Variants in GNL2 observed in about 807,000 individuals in gnomAD.
The protein encoded by GNL2 is nucleolar GTP-binding protein 2.
In GNL2, 51 loss-of-function variants were observed where a neutral mutation model predicts 92.3. The observed-to-expected ratio is 0.55, with a 90% CI of 0.44 to 0.70. The LOEUF is 0.70. Ranked by LOEUF, GNL2 falls within the 30% of genes least tolerant of loss-of-function variation. The pLI, the probability that GNL2 is intolerant of heterozygous loss-of-function variation, is 0.00. For synonymous variants in GNL2, 283 were observed against 300.6 expected (o/e 0.94, Z 0.61); for missense variants, 844 against 895.6 (o/e 0.94, Z 0.74).
At chr1:37,585,007 G>A (rs572339398) in intron 5 of GNL2, among the ~76,000 whole-genome samples, 4 of 150,762 alleles carry the variant, frequency 2.7e-5, no homozygotes, top group South Asian at 2.1e-4. Context: ...GCTTGAACCC[G>A]GGAGGCAGAG....
At chr1:37,574,107 G>A (rs1643637642) in intron 12 of GNL2, among the ~76,000 whole-genome samples, 1 of 152,082 alleles carries the variant, frequency 6.6e-6, no homozygotes. Flanking sequence ...TGGTCAGGCT[G>A]GTCTTGAACT....
chr1:37,580,107 A>C (rs1643743050), intron 8 of GNL2, among the ~76,000 whole-genome samples: 1 of 152,196 alleles, frequency 6.6e-6, no homozygotes, highest in Admixed American at 6.5e-5. Context: ...GTGAAATTTT[A>C]GAACAAGAGA....
chr1:37,580,803 C>T (rs1444509527), intron 8 of GNL2, among the ~76,000 whole-genome samples: 2 of 152,194 alleles, frequency 1.3e-5, no homozygotes, highest in Middle Eastern at 3.2e-3. Flanking sequence ...CAAAGTAACA[C>T]TAGCGAAAAT....
intron 8 of GNL2, among the ~76,000 whole-genome samples, chr1:37,577,981 T>C (rs1437600621): frequency 2.0e-5 from 3 of 152,200 alleles, no homozygotes; most frequent in Admixed American, 1.3e-4. Flanking sequence ...TATTCAATAG[T>C]GAGATGCCCA....
intron 4 of GNL2, among the ~76,000 whole-genome samples, chr1:37,590,148 C>T (rs1290237225): frequency 1.3e-5 from 2 of 152,096 alleles, no homozygotes; most frequent in Admixed American, 1.3e-4. Context: ...CTCCTGTTGC[C>T]CAGGCTGGAG....
intron 11 of GNL2, 45 bp from the exon 12 acceptor site, chr1:37,574,501 A>AAC (rs1643645926): frequency 6.6e-7 from 1 of 1,522,618 alleles, no homozygotes; most frequent in Non-Finnish European, 9.1e-7. Flanking sequence ...AAAGGACCAA[A>AAC]ACCACCTACC....
chr1:37,572,798 T>C (rs1643615763), intron 12 of GNL2, among the ~76,000 whole-genome samples: 1 of 152,218 alleles, frequency 6.6e-6, no homozygotes, highest in African/African-American at 2.4e-5. Context: ...TAAGTGTGGA[T>C]AGCCTGAAGC....
intron 4 of GNL2, among the ~76,000 whole-genome samples, chr1:37,588,770 C>T (rs941622614): frequency 6.6e-6 from 1 of 152,204 alleles, no homozygotes; most frequent in African/African-American, 2.4e-5. Flanking sequence ...GATGAATATG[C>T]GTATCTGATC....
chr1:37,594,960 C>A (rs1034188531), intron 1 of GNL2, among the ~76,000 whole-genome samples: 1 of 152,204 alleles, frequency 6.6e-6, no homozygotes, highest in African/African-American at 2.4e-5. Context: ...TCTACTACTA[C>A]TCACTAACTG....
At chr1:37,593,170 A>G (rs932735446) in intron 2 of GNL2, among the ~76,000 whole-genome samples, 1 of 152,242 alleles carries the variant, frequency 6.6e-6, no homozygotes, top group East Asian at 1.9e-4. Flanking sequence ...TTTACGCCGG[A>G]ATTCCAAATT....
intron 5 of GNL2, among the ~76,000 whole-genome samples, chr1:37,585,636 C>T (rs935105553): frequency 1.3e-5 from 2 of 152,146 alleles, no homozygotes; most frequent in African/African-American, 2.4e-5. Context: ...AAATTCAAAT[C>T]GGCAGAATAC....
intron 1 of GNL2, among the ~76,000 whole-genome samples, chr1:37,594,925 G>C (rs1281706923): frequency 6.6e-6 from 1 of 152,244 alleles, no homozygotes; most frequent in Non-Finnish European, 1.5e-5. Flanking sequence ...TCTCCTAACA[G>C]TCTCTAACAG....
At chr1:37,579,212 A>G (rs968226592) in intron 8 of GNL2, among the ~76,000 whole-genome samples, 22 of 152,254 alleles carry the variant, frequency 1.4e-4, no homozygotes, top group South Asian at 1.0e-3. Context: ...ATTAAAAGCA[A>G]TTGGCAAAAT....
rs555289288 is a variant in GNL2 at position 37,581,532 on chromosome 1, G to A, written c.909+691C>T. Reference sequence around the variant, plus strand: ...TGGAAAGCCCAGCAGAGCGTGGAACGTCAGGTGCCAGGGCTGTGGCAGAAA... The same window carrying A: ...TGGAAAGCCCAGCAGAGCGTGGAACATCAGGTGCCAGGGCTGTGGCAGAAA... On this transcript the variant is annotated intron_variant, in intron 8 of 15. Transcript: ENST00000373062. 1,171 of 456,096 alleles carry A rather than the reference G, an allele frequency of 2.6e-3. 7 individuals carry two copies. The highest frequency in any genetic ancestry group is 4.1e-3 in the Non-Finnish European group (921 of 226,802). The allele number at this position is 456,096 out of a possible 1,614,324, so 28.3% of individuals were successfully genotyped here.
At position 37,569,304 on chromosome 1, in the gene GNL2, T is replaced by C. The variant is rs1193126164; in HGVS notation, c.1417-2A>G. 6.3e-7 allele frequency: 1 copy of C among 1,582,574 alleles called. No homozygotes were observed. The highest frequency in any genetic ancestry group is 2.2e-5 in the East Asian group (1 of 44,664). On this transcript the variant is annotated splice_acceptor_variant, in intron 12 of 15. Transcript: ENST00000373062. LOFTEE classifies it high-confidence loss of function. ...TTCCAAAGATGAGGAGGGTAGAAGC[T>C]ATTAAGGGGTGGAAATGGGGGAAAT...
At chr1:37,572,424 A>C (rs1643608283) in intron 12 of GNL2, among the ~76,000 whole-genome samples, 1 of 152,196 alleles carries the variant, frequency 6.6e-6, no homozygotes. Context: ...AAGACAAAGC[A>C]CTTGACCACA....
rs761878953 is a variant in GNL2, at chr1:37,590,748, G to A, written c.342C>T (p.Ser114=). ...KDPYKVVMKQ[S]KLPMSLLHDR... Reference sequence around the variant, plus strand: ...CATGGAGAAGAGACATTGGTAACTTGCTTTGCTTCATGACAACTTTGTATG... The same window carrying A: ...CATGGAGAAGAGACATTGGTAACTTACTTTGCTTCATGACAACTTTGTATG... The change falls in exon 4 of 16, where the codon AGC becomes AGT. Residue 114 remains serine (S), a synonymous_variant. Transcript: ENST00000373062. The A allele has an allele frequency of 8.1e-6, 13 of 1,612,888 alleles. No individual in the cohort carries two copies. The highest frequency in any genetic ancestry group is 9.3e-6 in the Non-Finnish European group (11 of 1,178,904).
At chr1:37,587,878 A>C (rs1643866324) in intron 4 of GNL2, among the ~76,000 whole-genome samples, 1 of 152,222 alleles carries the variant, frequency 6.6e-6, no homozygotes. Flanking sequence ...TATAGCTTTC[A>C]AACAAGAGCA....
At position 37,589,465 on chromosome 1, in the gene GNL2, C is replaced by T. The variant is rs533665711; in HGVS notation, c.384+1241G>A. On this transcript the variant is annotated intron_variant, in intron 4 of 15. Transcript: ENST00000373062. Reference sequence around the variant, plus strand: ...GACTACAGGTGCCCGCCACCACGCCCGGCTAATTTTTTTTTGTATTTTTAG... The same window carrying T: ...GACTACAGGTGCCCGCCACCACGCCTGGCTAATTTTTTTTTGTATTTTTAG... Among the ~76,000 whole-genome samples, 299 of 152,248 alleles carry T rather than the reference C, an allele frequency of 2.0e-3. 1 individual carries two copies. Among genetic ancestry groups the T allele is most frequent in the Middle Eastern group, 0.017 (5 of 294 alleles).
Sources: allele counts gnomAD v4.1 joint callset (sites outside exome capture counted in the v4.1 genomes callset), GRCh38; gene constraint gnomAD v4.1.1; transcripts MANE v1.5; gene names NCBI Gene and HGNC (gene_info 2026-07-23, HGNC 2026-07-21).